Variants in METAP1D observed in about 807,000 individuals in gnomAD.
METAP1D encodes the protein methionyl aminopeptidase type 1D, mitochondrial.
Under a neutral mutation model 40.5 loss-of-function variants are expected in METAP1D, and 31 were observed. That is an observed-to-expected ratio of 0.77 (90% CI 0.58 to 1.03). The LOEUF is 1.03. Among genes scored for constraint, METAP1D ranks in the 50% least tolerant of loss-of-function variants. The pLI, the probability that METAP1D is intolerant of heterozygous loss-of-function variation, is 0.00. For synonymous variants in METAP1D, 151 were observed against 146.4 expected, an observed-to-expected ratio of 1.03 and a Z score of -0.22; for missense variants, 411 against 420.7, an observed-to-expected ratio of 0.98 and a Z score of 0.20.
chr2:172,046,993 A>G (rs1689777059), intron 1 of METAP1D, among the ~76,000 whole-genome samples: 1 of 152,148 alleles, frequency 6.6e-6, no homozygotes, highest in African/African-American at 2.4e-5. Context: ...TATTGTGTAA[A>G]TAGGTCTGTG....
chr2:172,014,926 A>T (rs1688820982), intron 1 of METAP1D, among the ~76,000 whole-genome samples: 1 of 152,190 alleles, frequency 6.6e-6, no homozygotes, highest in East Asian at 1.9e-4. Flanking sequence ...TGCTGGGATT[A>T]CAGGCGTCAG....
Position 172,005,034 on chromosome 2 carries a change from C to G in METAP1D, c.40+5025C>G, listed in dbSNP as rs11903410. 6.6e-5 allele frequency among the ~76,000 whole-genome samples: 10 copies of G among 151,930 alleles called. No individual in the cohort carries two copies. In the South Asian group the frequency reaches 2.1e-3, roughly 32 times the overall value. ...ACTTCCTGGGCTCGACCAGTCCTCC[C>G]ACCTCAACCTCCTGAGTGGCTAGGC... On this transcript the variant is annotated intron_variant, in intron 1 of 9. Coordinates refer to ENST00000315796, the MANE Select transcript of METAP1D (RefSeq NM_199227.3).
intron 3 of METAP1D, among the ~76,000 whole-genome samples, chr2:172,064,760 CAAAGAT>C (rs1212030507): frequency 6.6e-6 from 1 of 151,932 alleles, no homozygotes; most frequent in East Asian, 1.9e-4. Flanking sequence ...AAGTGAGACT[CAAAGAT>C]AAAATCACTC....
chr2:172,080,078 T>G, intron 8 of METAP1D, 50 bp from the exon 9 acceptor site: 2 of 1,500,522 alleles, frequency 1.3e-6, no homozygotes, highest in Non-Finnish European at 1.8e-6. Flanking sequence ...GAAACAATGT[T>G]TAACAAGAAT....
rs1690585403 is a variant in METAP1D, at chr2:172,077,846, C to T, written c.754C>T (p.His252Tyr). Reference protein sequence around the residue: ...GFQVCPHFVGHGIGSYFHGHP... With the variant: ...GFQVCPHFVGYGIGSYFHGHP... ...TCAAGTCTGTCCACATTTTGTGGGA[C>T]ATGGAATAGGATCTTACTTTCATGG... Residue 252 changes from histidine (H) to tyrosine (Y), a missense_variant, in exon 7 of 10, where the codon CAT (histidine) becomes TAT (tyrosine). Physicochemically the swap from His to Tyr is moderately conservative, Grantham distance 83. Coordinates refer to ENST00000315796, the MANE Select transcript of METAP1D (RefSeq NM_199227.3). 1 of 1,612,032 alleles carries T rather than the reference C, an allele frequency of 6.2e-7. No individual in the cohort carries two copies. Among genetic ancestry groups the T allele is most frequent in the African/African-American group, 1.3e-5 (1 of 74,808 alleles).
chr2:172,030,078 T>TTTATTTATTTATTTATTTA (rs553826009), intron 1 of METAP1D, among the ~76,000 whole-genome samples: 1,542 of 149,924 alleles, frequency 0.01, 31 homozygotes, highest in Admixed American at 0.053. Context: ...TTTTATTTTA[T>TTTATTTATTTATTTATTTA]TTTATTTATT....
At chr2:172,036,663 C>T (rs1689396994) in intron 1 of METAP1D, among the ~76,000 whole-genome samples, 1 of 151,986 alleles carries the variant, frequency 6.6e-6, no homozygotes, top group African/African-American at 2.4e-5. Flanking sequence ...CCGCACCCGG[C>T]CCGTTTCCAC....
intron 1 of METAP1D, among the ~76,000 whole-genome samples, chr2:172,041,395 G>A (rs527326543): frequency 7.9e-6 from 1 of 126,542 alleles, no homozygotes; most frequent in East Asian, 2.1e-4. Context: ...GGAGGCGGAG[G>A]TTTCAGTGAG....
intron 1 of METAP1D, among the ~76,000 whole-genome samples, chr2:172,037,035 G>A (rs1038591798): frequency 3.3e-5 from 5 of 152,150 alleles, no homozygotes; most frequent in Admixed American, 2.6e-4. Flanking sequence ...CAAGGTGGGC[G>A]GATCACTTGA....
rs1260554659 is a variant in METAP1D at position 172,043,050 on chromosome 2, CAT to C, written c.41-18443_41-18442del. ...ATGTGTATATGTGTACACGTGTACA[CAT>C]ATATGTGTATATATATACGTGTGTG... On this transcript the variant is annotated intron_variant, in intron 1 of 9. Coordinates refer to ENST00000315796, the MANE Select transcript of METAP1D (RefSeq NM_199227.3). Among the ~76,000 whole-genome samples the C allele has an allele frequency of 2.6e-4, 30 of 115,716 alleles. 5 individuals are homozygous for C. The highest frequency in any genetic ancestry group is 0.01 in the Middle Eastern group (2 of 192). The allele number at this position is 115,716 out of a possible 152,430, so 75.9% of individuals were successfully genotyped here. A position where few individuals can be genotyped will look rare whatever the true frequency, so the allele number is the denominator to read the frequency against.
intron 1 of METAP1D, among the ~76,000 whole-genome samples, chr2:172,017,246 A>ACACG (rs1688889643): frequency 6.7e-6 from 1 of 148,798 alleles, no homozygotes; most frequent in East Asian, 2.0e-4. Context: ...ACACACACAC[A>ACACG]CACACACACA....
At chr2:172,005,924 A>G (rs6733123) in intron 1 of METAP1D, among the ~76,000 whole-genome samples, 28,198 of 151,906 alleles carry the variant, frequency 0.19, 3,830 homozygotes, top group African/African-American at 0.37. Context: ...ATGAAATTTC[A>G]ATGTATACTA....
chr2:172,022,628 G>T (rs1689032475), intron 1 of METAP1D, among the ~76,000 whole-genome samples: 1 of 152,126 alleles, frequency 6.6e-6, no homozygotes, highest in African/African-American at 2.4e-5. Flanking sequence ...GGTTGTATTA[G>T]ATTTGGAATC....
At chr2:172,073,927 A>G (rs1398329669) in intron 6 of METAP1D, among the ~76,000 whole-genome samples, 1 of 152,232 alleles carries the variant, frequency 6.6e-6, no homozygotes, top group Non-Finnish European at 1.5e-5. Context: ...AAACCTTGAG[A>G]TCTCTACAGG....
intron 1 of METAP1D, among the ~76,000 whole-genome samples, chr2:172,057,817 G>A (rs535226408): frequency 1.3e-5 from 2 of 152,266 alleles, no homozygotes; most frequent in South Asian, 2.1e-4. Context: ...TTTCTGTGAA[G>A]ATTAATGAGC....
At position 172,000,069 on chromosome 2, in the gene METAP1D, C is replaced by T. The variant is rs193263928; in HGVS notation, c.40+60C>T. Reference sequence around the variant, plus strand: ...CACGGTTGCTCACTAGGTACGCACCCGGGTCCAAAGGGATGCGCACCCGCG... The same window carrying T: ...CACGGTTGCTCACTAGGTACGCACCTGGGTCCAAAGGGATGCGCACCCGCG... On this transcript the variant is annotated intron_variant, in intron 1 of 9. Transcript: ENST00000315796. 746 of 1,259,938 alleles carry T rather than the reference C, an allele frequency of 5.9e-4. 5 individuals carry two copies. The African/African-American group carries it at 0.011, about 18-fold the overall frequency. 78.0% of individuals were successfully genotyped at this position (1,259,938 alleles called of 1,614,324 possible). A position where few individuals can be genotyped will look rare whatever the true frequency, so the allele number is the denominator to read the frequency against.
intron 3 of METAP1D, among the ~76,000 whole-genome samples, chr2:172,065,196 T>C (rs547832074): frequency 2.6e-5 from 4 of 152,326 alleles, no homozygotes; most frequent in Admixed American, 6.5e-5. Context: ...TTTCAAGCTT[T>C]TCAAGGTTCA....
At chr2:172,036,781 AG>A (rs1559004232) in intron 1 of METAP1D, among the ~76,000 whole-genome samples, 2 of 152,206 alleles carry the variant, frequency 1.3e-5, no homozygotes, top group African/African-American at 4.8e-5. Context: ...ATTGACAGGC[AG>A]TTTTCCAAGG....
chr2:172,024,314 G>A (rs1314419491), intron 1 of METAP1D, among the ~76,000 whole-genome samples: 1 of 152,006 alleles, frequency 6.6e-6, no homozygotes, highest in African/African-American at 2.4e-5. Flanking sequence ...CAGACCACTT[G>A]GATTAATACC....
Sources: gnomAD v4.1 joint callset for allele counts (sites outside exome capture counted in the v4.1 genomes callset) on GRCh38, gnomAD v4.1.1 for gene constraint, MANE v1.5 for transcripts, NCBI Gene and HGNC (gene_info 2026-07-23, HGNC 2026-07-21) for gene names.